Variants in NCKAP5 observed in about 807,000 individuals in gnomAD.
NCKAP5 encodes the protein NCK associated protein 5.
NCKAP5 carries 92 observed loss-of-function variants against 167.0 expected under a neutral mutation model. The ratio of observed to expected loss-of-function variants is 0.55; its 90% confidence interval spans 0.47 to 0.66. The LOEUF (loss-of-function observed/expected upper bound fraction) is 0.66. Among genes scored for constraint, NCKAP5 ranks in the 30% least tolerant of loss-of-function variants. NCKAP5 has a pLI of 0.00. For synonymous variants in NCKAP5, 891 were observed against 877.4 expected, an observed-to-expected ratio of 1.02 and a Z score of -0.27; for missense variants, 2,378 against 2,315.0, an observed-to-expected ratio of 1.03 and a Z score of -0.56.
At chr2:133,171,286 C>A (rs1015356228) in intron 5 of NCKAP5, among the ~76,000 whole-genome samples, 1 of 152,172 alleles carries the variant, frequency 6.6e-6, no homozygotes, top group Non-Finnish European at 1.5e-5. Flanking sequence ...AAGATTCAAT[C>A]CTTTTAATCC....
chr2:133,469,805 G>A (rs1345141191), intron 3 of NCKAP5, among the ~76,000 whole-genome samples: 3 of 151,560 alleles, frequency 2.0e-5, no homozygotes, highest in Non-Finnish European at 2.9e-5. Context: ...GATCGCATCG[G>A]CTCCTGAGGC....
chr2:133,569,876 G>A (rs557841157), upstream of NCKAP5, among the ~76,000 whole-genome samples: 154 of 152,214 alleles, frequency 1.0e-3, no homozygotes, highest in African/African-American at 3.5e-3. Context: ...CATGTTAAGA[G>A]AAAGTAAATT....
At chr2:133,030,854 C>T (rs1345053052) in intron 6 of NCKAP5, among the ~76,000 whole-genome samples, 2 of 152,106 alleles carry the variant, frequency 1.3e-5, no homozygotes, top group Admixed American at 1.3e-4. Context: ...CAGCGGGAAC[C>T]TATCCCTTGT....
intron 10 of NCKAP5, 56 bp downstream of exon 10, chr2:132,868,880 G>A (rs1043103020): frequency 3.1e-6 from 4 of 1,290,484 alleles, no homozygotes; most frequent in South Asian, 1.5e-5. Flanking sequence ...AACAACATGA[G>A]CTCCAATATA....
At chr2:133,182,471 A>G (rs529126083) in intron 5 of NCKAP5, among the ~76,000 whole-genome samples, 1 of 152,336 alleles carries the variant, frequency 6.6e-6, no homozygotes, top group African/African-American at 2.4e-5. Flanking sequence ...AATAAAAAAT[A>G]AGAGACCAGT....
chr2:133,358,520 G>A (rs903622847), intron 3 of NCKAP5, among the ~76,000 whole-genome samples: 5 of 152,168 alleles, frequency 3.3e-5, no homozygotes, highest in African/African-American at 1.2e-4. Flanking sequence ...CAAAACTGCA[G>A]TGAGCTATAA....
chr2:132,815,351 G>A (rs1686184529), intron 11 of NCKAP5, among the ~76,000 whole-genome samples: 1 of 152,096 alleles, frequency 6.6e-6, no homozygotes, highest in African/African-American at 2.4e-5. Flanking sequence ...GAAACTATGG[G>A]GAAGTTCAGA....
intron 3 of NCKAP5, among the ~76,000 whole-genome samples, chr2:133,469,329 A>G (rs1433351716): frequency 1.3e-5 from 2 of 151,892 alleles, no homozygotes; most frequent in Non-Finnish European, 2.9e-5. Context: ...AAGAATGTTG[A>G]ATATTGGCCC....
chr2:133,483,590 C>T (rs180779374), intron 3 of NCKAP5, among the ~76,000 whole-genome samples: 42 of 148,300 alleles, frequency 2.8e-4, no homozygotes, highest in African/African-American at 8.8e-4. Context: ...AAGATTAATA[C>T]GTTTTTGAGA....
At chr2:133,012,023 C>G (rs908934181) in intron 6 of NCKAP5, among the ~76,000 whole-genome samples, 1 of 152,156 alleles carries the variant, frequency 6.6e-6, no homozygotes, top group Non-Finnish European at 1.5e-5. Flanking sequence ...GTTTTTATCT[C>G]TCCACCGGAT....
chr2:132,741,663 T>C (rs907627937), intron 16 of NCKAP5, among the ~76,000 whole-genome samples: 3 of 152,126 alleles, frequency 2.0e-5, no homozygotes, highest in African/African-American at 7.2e-5. Flanking sequence ...TTTTTCTAAC[T>C]GAAAAAAACA....
At chr2:132,905,274 T>G (rs757511813) in intron 8 of NCKAP5, among the ~76,000 whole-genome samples, 15 of 152,184 alleles carry the variant, frequency 9.9e-5, no homozygotes, top group Non-Finnish European at 1.5e-4. Context: ...ACTGTTAAAT[T>G]TTGCAAGACT....
chr2:133,292,340 C>T (rs575276056), intron 4 of NCKAP5, among the ~76,000 whole-genome samples: 2 of 151,138 alleles, frequency 1.3e-5, no homozygotes, highest in African/African-American at 4.9e-5. Flanking sequence ...TCGCTTCTTA[C>T]TGTGAGTGCA....
At chr2:133,305,304 T>C (rs1680700381) in intron 3 of NCKAP5, among the ~76,000 whole-genome samples, 1 of 152,208 alleles carries the variant, frequency 6.6e-6, no homozygotes, top group African/African-American at 2.4e-5. Flanking sequence ...GTTTTGATAC[T>C]TACTAGCTAT....
intron 8 of NCKAP5, among the ~76,000 whole-genome samples, chr2:132,927,106 C>A (rs900891787): frequency 6.6e-6 from 1 of 152,064 alleles, no homozygotes; most frequent in Non-Finnish European, 1.5e-5. Flanking sequence ...CCAATTTTCC[C>A]AGCACCATTT....
chr2:133,071,366 A>T (rs1171520863), intron 6 of NCKAP5, among the ~76,000 whole-genome samples: 3 of 151,698 alleles, frequency 2.0e-5, no homozygotes, highest in African/African-American at 4.8e-5. Flanking sequence ...AATGGTGTGA[A>T]CCCGGGAGGC....
chr2:133,257,646 T>G (rs1045518303), intron 4 of NCKAP5, among the ~76,000 whole-genome samples: 2 of 152,170 alleles, frequency 1.3e-5, no homozygotes, highest in African/African-American at 4.8e-5. Flanking sequence ...CCGTGTAATC[T>G]CACATAAATA....
At chr2:133,652,305 G>T in the NCKAP5 span, among the ~76,000 whole-genome samples, 1 of 152,170 alleles carries the variant, frequency 6.6e-6, no homozygotes, top group African/African-American at 2.4e-5. Flanking sequence ...CCAAGGCAAC[G>T]GAAGAGGGTG....
At chr2:133,533,975 T>A (rs958849954) in intron 2 of NCKAP5, among the ~76,000 whole-genome samples, 2 of 152,148 alleles carry the variant, frequency 1.3e-5, no homozygotes, top group Non-Finnish European at 2.9e-5. Flanking sequence ...ACACAAAAAA[T>A]AAAATTCAGG....
Sources: allele counts gnomAD v4.1 joint callset (sites outside exome capture counted in the v4.1 genomes callset), GRCh38; gene constraint gnomAD v4.1.1; transcripts MANE v1.5; gene names NCBI Gene and HGNC (gene_info 2026-07-23, HGNC 2026-07-21).